The following RAPGEF5 variants were observed in gnomAD, a reference collection of about 807,000 sequenced individuals.
RAPGEF5 encodes M-Ras-regulated GEF.
RAPGEF5 carries 65 observed loss-of-function variants against 125.2 expected under a neutral mutation model. The observed-to-expected ratio is 0.52, with a 90% CI of 0.43 to 0.64. The LOEUF (loss-of-function observed/expected upper bound fraction) is 0.64. Among genes scored for constraint, RAPGEF5 ranks in the 30% least tolerant of loss-of-function variants. RAPGEF5 has a pLI of 0.00. For synonymous variants in RAPGEF5, 391 were observed against 385.9 expected (o/e 1.01, Z -0.16); for missense variants, 958 against 1,048.1 (o/e 0.91, Z 1.19).
At chr7:22,221,056 G>A (rs969480323) in intron 8 of RAPGEF5, among the ~76,000 whole-genome samples, 5 of 152,186 alleles carry the variant, frequency 3.3e-5, no homozygotes, top group African/African-American at 1.2e-4. Context: ...GTTCCCAGGG[G>A]CAGTGGTATC....
At chr7:22,154,406 T>G (rs1783732052) in intron 17 of RAPGEF5, 49 bp downstream of exon 17, 1 of 1,596,466 alleles carries the variant, frequency 6.3e-7, no homozygotes, top group Non-Finnish European at 8.5e-7. Context: ...TCCCTCCTTT[T>G]GAAGGAGATC....
At chr7:22,290,744 CAA>C (rs398003971) in intron 6 of RAPGEF5, among the ~76,000 whole-genome samples, 2,892 of 86,166 alleles carry the variant, frequency 0.034, 71 homozygotes, top group African/African-American at 0.11. Context: ...GACTCCGTCT[CAA>C]AAAAAAAAAA....
Position 22,356,839 on chromosome 7 carries a change from A to G in RAPGEF5, c.222T>C (p.Ala74=). The G allele has an allele frequency of 2.6e-6, 3 of 1,163,944 alleles. No individual in the cohort carries two copies. Among genetic ancestry groups the G allele is most frequent in the Non-Finnish European group, 3.2e-6 (3 of 944,514 alleles). 72.1% of individuals were successfully genotyped at this position (1,163,944 alleles called of 1,614,324 possible). Reference sequence around the variant, plus strand: ...GGGCCGGGCCACTCACCCGGCCCCCAGCGGCGCTCCGCTTCCTCCGCAGCG... The same window carrying G: ...GGGCCGGGCCACTCACCCGGCCCCCGGCGGCGCTCCGCTTCCTCCGCAGCG... ...GLTLRRKRSA[A]GGRTLSRRIS... The change falls in exon 1 of 26, where the codon GCT becomes GCC. Residue 74 remains alanine, a synonymous_variant. Coordinates refer to ENST00000665637, the MANE Select transcript of RAPGEF5 (RefSeq NM_012294.5).
At chr7:22,160,668 G>A in intron 13 of RAPGEF5, 53 bp from the exon 14 acceptor site, 4 of 1,474,410 alleles carry the variant, frequency 2.7e-6, no homozygotes, top group Non-Finnish European at 3.6e-6. Flanking sequence ...ATTTTGTAGG[G>A]ATTAAGACTC....
intron 7 of RAPGEF5, among the ~76,000 whole-genome samples, chr7:22,266,216 C>T (rs773749569): frequency 5.9e-5 from 9 of 152,206 alleles, no homozygotes; most frequent in East Asian, 5.8e-4. Context: ...TCGCCTGAAA[C>T]GTCTTATTCT....
intron 1 of RAPGEF5, among the ~76,000 whole-genome samples, chr7:22,351,147 G>A (rs935990293): frequency 6.6e-5 from 10 of 152,144 alleles, no homozygotes; most frequent in Non-Finnish European, 1.5e-5. Context: ...TTAGTTGTTT[G>A]TTTGTTTGTT....
Position 22,145,171 on chromosome 7 carries a change from C to T in RAPGEF5, c.2059G>A (p.Ala687Thr). 1.9e-6 allele frequency: 3 copies of T among 1,613,434 alleles called. No homozygotes were observed. In the African/African-American group the frequency reaches 4.0e-5, roughly 21 times the overall value. The change falls in exon 20 of 26, where the codon GCA (alanine) becomes ACA (threonine). Residue 687 changes from alanine to threonine, a missense_variant. Coordinates refer to ENST00000665637, the MANE Select transcript of RAPGEF5 (RefSeq NM_012294.5). ...FSRQGSGEHT[A>T]NLSLLLQRCN... ...CTCTGGAGCAGAAGGCTGAGATTTG[C>T]AGTGTGTTCCCCACTTCCCTGTCTG... is the stretch of plus-strand genomic sequence containing the variant.
intron 11 of RAPGEF5, among the ~76,000 whole-genome samples, chr7:22,179,163 T>C (rs763043136): frequency 7.2e-5 from 11 of 152,172 alleles, no homozygotes; most frequent in Non-Finnish European, 8.8e-5. Context: ...TATATACAAT[T>C]AGATACTAAA....
chr7:22,191,058 C>A (rs1030866023), intron 11 of RAPGEF5, among the ~76,000 whole-genome samples: 7 of 152,306 alleles, frequency 4.6e-5, no homozygotes, highest in Non-Finnish European at 8.8e-5. Context: ...AGCTCCTGCA[C>A]ACCCGGGCCT....
chr7:22,350,659 G>T (rs1170753454), intron 1 of RAPGEF5, among the ~76,000 whole-genome samples: 1 of 152,170 alleles, frequency 6.6e-6, no homozygotes, highest in Admixed American at 6.6e-5. Flanking sequence ...CTTTTCCTGG[G>T]ATCTAATTAT....
chr7:22,187,974 G>A (rs1408457732), intron 11 of RAPGEF5, among the ~76,000 whole-genome samples: 2 of 152,184 alleles, frequency 1.3e-5, no homozygotes, highest in Non-Finnish European at 2.9e-5. Flanking sequence ...TTGCTGTTTT[G>A]TTAAAAGCAT....
At chr7:22,259,249 C>G (rs768279771) in intron 7 of RAPGEF5, among the ~76,000 whole-genome samples, 29 of 152,154 alleles carry the variant, frequency 1.9e-4, no homozygotes, top group Non-Finnish European at 3.7e-4. Flanking sequence ...AAAAGATGCT[C>G]AACATCATAT....
intron 5 of RAPGEF5, among the ~76,000 whole-genome samples, chr7:22,297,840 T>C (rs1031982059): frequency 1.3e-5 from 2 of 152,210 alleles, no homozygotes; most frequent in Non-Finnish European, 2.9e-5. Context: ...CTGATCTTAG[T>C]AGGCAAGCAT....
chr7:22,157,195 T>C (rs1422212916), intron 15 of RAPGEF5, among the ~76,000 whole-genome samples: 1 of 152,226 alleles, frequency 6.6e-6, no homozygotes. Flanking sequence ...GAGATAAACA[T>C]CATTTCCCCA....
chr7:22,251,775 C>CAA (rs58681076), intron 7 of RAPGEF5, among the ~76,000 whole-genome samples: 1,688 of 73,274 alleles, frequency 0.023, 186 homozygotes, highest in South Asian at 0.071. Flanking sequence ...GTTTCATTGA[C>CAA]AAAAAAAAAA....
Position 22,310,053 on chromosome 7 carries a change from G to C in RAPGEF5, c.427C>G (p.Leu143Val), listed in dbSNP as rs537151989. Residue 143 changes from leucine to valine, a missense_variant, in exon 4 of 26, where the codon CTA becomes GTA. Coordinates refer to ENST00000665637, the MANE Select transcript of RAPGEF5 (RefSeq NM_012294.5). Reference sequence around the variant, plus strand: ...CACTGGACGAAAGGACAGTGTTCTAGAAGCCAGTCTACCAGCTCTGACCCA... The same window carrying C: ...CACTGGACGAAAGGACAGTGTTCTACAAGCCAGTCTACCAGCTCTGACCCA... The part of the protein sequence containing the change: ...CVGSELVDWL[L>V]EHCPFVQCRS... 1.3e-6 allele frequency: 2 copies of C among 1,597,272 alleles called. No individual in the cohort carries two copies. Among genetic ancestry groups the C allele is most frequent in the South Asian group, 2.3e-5 (2 of 87,958 alleles).
chr7:22,231,097 C>T (rs1342915129), intron 7 of RAPGEF5, among the ~76,000 whole-genome samples, 178 bp from the exon 8 acceptor site: 1 of 152,146 alleles, frequency 6.6e-6, no homozygotes, highest in Non-Finnish European at 1.5e-5. Flanking sequence ...GGGTACTTCT[C>T]CTGCATATTA....
chr7:22,256,894 C>T (rs1786775593), intron 7 of RAPGEF5, among the ~76,000 whole-genome samples: 1 of 152,200 alleles, frequency 6.6e-6, no homozygotes, highest in African/African-American at 2.4e-5. Context: ...TTCACATCCA[C>T]TAAGGTTCGC....
intron 5 of RAPGEF5, among the ~76,000 whole-genome samples, chr7:22,303,042 TA>T (rs1221970588): frequency 6.6e-6 from 1 of 152,170 alleles, no homozygotes; most frequent in African/African-American, 2.4e-5. Flanking sequence ...TGGGAGCTGC[TA>T]TAACCACAGC....
Sources: gnomAD v4.1 joint callset for allele counts (sites outside exome capture counted in the v4.1 genomes callset) on GRCh38, gnomAD v4.1.1 for gene constraint, MANE v1.5 for transcripts, NCBI Gene and HGNC (gene_info 2026-07-23, HGNC 2026-07-21) for gene names.